The following SCG3 variants were observed in gnomAD, a reference collection of about 807,000 sequenced individuals.
The protein encoded by SCG3 is secretogranin III.
A neutral mutation model predicts 56.2 loss-of-function variants in SCG3; 38 were observed. That is an observed-to-expected ratio of 0.68 (90% confidence interval 0.52 to 0.89). The LOEUF is 0.89. SCG3 is among the 40% of genes least tolerant of loss of function. SCG3 has a pLI of 0.00. For synonymous variants in SCG3, 176 were observed against 184.2 expected, an observed-to-expected ratio of 0.96 and a Z score of 0.36; for missense variants, 524 against 540.7, an observed-to-expected ratio of 0.97 and a Z score of 0.31.
chr15:51,697,132 CTGTG>C (rs3078107), intron 8 of SCG3, among the ~76,000 whole-genome samples: 2,837 of 146,002 alleles, frequency 0.019, 36 homozygotes, highest in Middle Eastern at 0.087. Context: ...AGATGTTATT[CTGTG>C]TGTGTGTGTG....
rs2055282912 is a variant in SCG3 at position 51,693,634 on chromosome 15, T to A, written c.868+1298T>A. ...GCTTTTTCTTTCCCTGTTCAAGGAT[T>A]CAGCCCCAGATTGAACATTTATATA... On this transcript the variant is annotated intron_variant, in intron 7 of 11. Coordinates refer to ENST00000220478, the MANE Select transcript of SCG3 (RefSeq NM_013243.4). 3 of 152,226 alleles carry A rather than the reference T, an allele frequency of 2.0e-5. No homozygotes were observed. In the South Asian group the frequency reaches 6.2e-4, roughly 32 times the overall value. 9.4% of individuals were successfully genotyped at this position (152,226 alleles called of 1,614,324 possible).
intron 10 of SCG3, among the ~76,000 whole-genome samples, chr15:51,705,042 A>G (rs1490865759): frequency 6.6e-6 from 1 of 151,848 alleles, no homozygotes; most frequent in Admixed American, 6.6e-5. Flanking sequence ...GATGAATGGT[A>G]AATTTTTAAA....
At chr15:51,687,052 T>C (rs1163061156) in intron 4 of SCG3, among the ~76,000 whole-genome samples, 1 of 152,138 alleles carries the variant, frequency 6.6e-6, no homozygotes, top group African/African-American at 2.4e-5. Context: ...ATGATGAGGA[T>C]TGTCTGGGCA....
At chr15:51,718,500 C>T (rs1394769667) in intron 11 of SCG3, among the ~76,000 whole-genome samples, 1 of 152,184 alleles carries the variant, frequency 6.6e-6, no homozygotes, top group African/African-American at 2.4e-5. Flanking sequence ...CATTCAGGCT[C>T]GCTAAGGGTG....
At chr15:51,699,490 A>G in intron 9 of SCG3, 88 bp downstream of exon 9, 3 of 914,320 alleles carry the variant, frequency 3.3e-6, no homozygotes, top group Non-Finnish European at 3.4e-6. Flanking sequence ...TTAATTTAAA[A>G]ATTACAGATT....
intron 1 of SCG3, among the ~76,000 whole-genome samples, chr15:51,682,236 A>G (rs2607116): frequency 0.82 from 123,740 of 151,782 alleles, 50,785 homozygotes; most frequent in East Asian, 0.99. Context: ...AGAATAGCTG[A>G]TAACCCTAGT....
intron 10 of SCG3, among the ~76,000 whole-genome samples, chr15:51,710,915 G>A (rs975072796): frequency 6.6e-6 from 1 of 151,982 alleles, no homozygotes; most frequent in African/African-American, 2.4e-5. Flanking sequence ...ATTTCAAATT[G>A]TCTTATGTTG....
chr15:51,706,731 G>C (rs1281291204), intron 10 of SCG3, among the ~76,000 whole-genome samples: 1 of 151,896 alleles, frequency 6.6e-6, no homozygotes, highest in Non-Finnish European at 1.5e-5. Context: ...TCATGCTTCA[G>C]TTTACAAAGC....
At chr15:51,697,577 T>C (rs2055312040) in intron 8 of SCG3, among the ~76,000 whole-genome samples, 2 of 152,236 alleles carry the variant, frequency 1.3e-5, no homozygotes, top group African/African-American at 4.8e-5. Flanking sequence ...ACACTCATCA[T>C]TGCAGAAAGT....
At position 51,683,298 on chromosome 15, in the gene SCG3, TG is replaced by T; in HGVS notation, c.262del (p.Glu88ArgfsTer7). 6 of 1,613,694 alleles carry T rather than the reference TG, an allele frequency of 3.7e-6. No homozygotes were observed. The highest frequency in any genetic ancestry group is 4.2e-6 in the Non-Finnish European group (5 of 1,179,768). On this transcript the variant is annotated frameshift_variant, in exon 4 of 12. Coordinates refer to ENST00000220478, the MANE Select transcript of SCG3 (RefSeq NM_013243.4). LOFTEE classifies it high-confidence loss of function. ...AGGCAATAACAGAAAAGGAAAAAAT[TG>T]AGAAAGAAAGACAATCTATAAGAAG... ...LKAITEKEKI[E>X]KERQSIRSSP...
chr15:51,719,066 T>C (rs2055478423), intron 11 of SCG3, among the ~76,000 whole-genome samples: 1 of 152,138 alleles, frequency 6.6e-6, no homozygotes, highest in African/African-American at 2.4e-5. Context: ...CTACTGAATA[T>C]GAATCTGCCA....
At position 51,682,570 on chromosome 15, in the gene SCG3, G is replaced by A; in HGVS notation, c.135+1G>A. Reference sequence around the variant, plus strand: ...TGCAGAAAGACCTTTGAATGAACAGGTAGGTCAAAAGTAACATTATGAATG... The same window carrying A: ...TGCAGAAAGACCTTTGAATGAACAGATAGGTCAAAAGTAACATTATGAATG... On this transcript the variant is annotated splice_donor_variant, in intron 2 of 11. Coordinates refer to ENST00000220478, the MANE Select transcript of SCG3 (RefSeq NM_013243.4). LOFTEE classifies it high-confidence loss of function. 1 of 1,415,072 alleles carries A rather than the reference G, an allele frequency of 7.1e-7. No homozygotes were observed. Among genetic ancestry groups the A allele is most frequent in the South Asian group, 1.4e-5 (1 of 71,634 alleles). 87.7% of individuals were successfully genotyped at this position (1,415,072 alleles called of 1,614,324 possible).
chr15:51,705,825 C>T (rs1209612379), intron 10 of SCG3, among the ~76,000 whole-genome samples: 2 of 152,122 alleles, frequency 1.3e-5, no homozygotes, highest in Non-Finnish European at 2.9e-5. Flanking sequence ...CACGCCCAGC[C>T]TAGTGTTATT....
chr15:51,688,725 G>A (rs1174767454), intron 5 of SCG3, among the ~76,000 whole-genome samples: 1 of 152,090 alleles, frequency 6.6e-6, no homozygotes, highest in Non-Finnish European at 1.5e-5. Context: ...GGATGGTTAG[G>A]ATATAACCAG....
chr15:51,687,427 C>G (rs1457643956), intron 4 of SCG3, among the ~76,000 whole-genome samples: 2 of 152,196 alleles, frequency 1.3e-5, no homozygotes, highest in Admixed American at 1.3e-4. Flanking sequence ...TGGAAGATCT[C>G]CATGGATGTG....
chr15:51,719,032 A>G (rs183693181), intron 11 of SCG3, among the ~76,000 whole-genome samples: 1 of 152,282 alleles, frequency 6.6e-6, no homozygotes, highest in Admixed American at 6.5e-5. Context: ...TTTAAAATGC[A>G]TAACCTGGAT....
rs767509639 is a variant in SCG3, at chr15:51,692,299, C to G, written c.831C>G (p.Phe277Leu). The change falls in exon 7 of 12, where the codon TTC becomes TTG. Residue 277 changes from phenylalanine to leucine, a missense_variant. Transcript: ENST00000220478. ...ACAACTTTGAGGAACTCCAATATTT[C>G]CCAAATTTCTATGCGCTACTGAAAA... ...SEDNFEELQYFPNFYALLKSI... is the reference protein window; with the variant it reads ...SEDNFEELQYLPNFYALLKSI... The G allele has an allele frequency of 1.5e-5, 25 of 1,613,794 alleles. No homozygotes were observed. The South Asian group carries it at 2.5e-4, about 16-fold the overall frequency.
Position 51,683,338 on chromosome 15 carries a change from A to T in SCG3, c.301A>T (p.Asn101Tyr). The T allele has an allele frequency of 6.2e-7, 1 of 1,613,738 alleles. No homozygotes were observed. Among genetic ancestry groups the T allele is most frequent in the Non-Finnish European group, 8.5e-7 (1 of 1,179,698 alleles). Residue 101 changes from asparagine to tyrosine, a missense_variant, in exon 4 of 12, where the codon AAT becomes TAT. Coordinates refer to ENST00000220478, the MANE Select transcript of SCG3 (RefSeq NM_013243.4). ...RQSIRSSPLD[N>Y]KLNVEDVDST... ...ATCTATAAGAAGCTCCCCACTTGAT[A>T]ATAAGTTGAATGTGGAAGATGTTGA...
At chr15:51,682,744 A>C (rs1342563018) in intron 2 of SCG3, among the ~76,000 whole-genome samples, 175 bp downstream of exon 2, 2 of 152,218 alleles carry the variant, frequency 1.3e-5, no homozygotes, top group African/African-American at 2.4e-5. Context: ...ATGCCCTAGC[A>C]GTTATTTACA....
Sources: gnomAD v4.1 joint callset for allele counts (sites outside exome capture counted in the v4.1 genomes callset) on GRCh38, gnomAD v4.1.1 for gene constraint, MANE v1.5 for transcripts, NCBI Gene and HGNC (gene_info 2026-07-23, HGNC 2026-07-21) for gene names.